Variants in ACBD3 observed in about 807,000 individuals in gnomAD.
The protein encoded by ACBD3 is acyl-CoA binding domain containing 3.
ACBD3 carries 30 observed loss-of-function variants against 66.9 expected under a neutral mutation model. That is an observed-to-expected ratio of 0.45 (90% CI 0.34 to 0.61). ACBD3 has a LOEUF of 0.61. Ranked by LOEUF, ACBD3 falls within the 20% of genes least tolerant of loss-of-function variation. The probability of loss-of-function intolerance (pLI) is 0.02; values close to 1 mark genes in which losing one functional copy is unlikely to be tolerated. For synonymous variants in ACBD3, 278 were observed against 259.8 expected (o/e 1.07, Z -0.68); for missense variants, 544 against 664.5 (o/e 0.82, Z 1.99).
intron 1 of ACBD3, among the ~76,000 whole-genome samples, chr1:226,169,317 G>T (rs1489296312): frequency 1.3e-5 from 2 of 151,504 alleles, no homozygotes; most frequent in Non-Finnish European, 2.9e-5. Flanking sequence ...GTGCGATCTC[G>T]GCTCACTGCA....
chr1:226,186,259 C>T, intron 1 of ACBD3, 131 bp downstream of exon 1: 2 of 1,213,264 alleles, frequency 1.6e-6, no homozygotes, highest in Non-Finnish European at 2.1e-6. Flanking sequence ...AGGAGGGAAC[C>T]CCGCTTGAGT....
intron 1 of ACBD3, among the ~76,000 whole-genome samples, chr1:226,170,130 T>C (rs1659964156): frequency 6.7e-6 from 1 of 148,760 alleles, no homozygotes; most frequent in Non-Finnish European, 1.5e-5. Context: ...GGCCTGAGAC[T>C]GAGAGTGCAT....
chr1:226,173,077 G>A (rs114108975), intron 1 of ACBD3, among the ~76,000 whole-genome samples: 1 of 152,210 alleles, frequency 6.6e-6, no homozygotes, highest in African/African-American at 2.4e-5. Context: ...ACCAGCCTGC[G>A]AAACAAAGTG....
In ACBD3 at chr1:226,145,968, A is replaced by C. The variant is rs900537104; in HGVS notation, c.*642T>G. 6.6e-6 allele frequency: 1 copy of C among 152,656 alleles called. No homozygotes were observed. Among genetic ancestry groups the C allele is most frequent in the Non-Finnish European group, 1.5e-5 (1 of 68,074 alleles). The allele number at this position is 152,656 out of a possible 1,614,324, so 9.5% of individuals were successfully genotyped here. On this transcript the variant is annotated 3_prime_UTR_variant, in exon 8 of 8. Coordinates refer to ENST00000366812, the MANE Select transcript of ACBD3 (RefSeq NM_022735.4). Reference sequence around the variant, plus strand: ...TCTGAGGTGTTCTACGTATCTTGATACTTCAATTATCAATTAGTTTTGAAC... The same window carrying C: ...TCTGAGGTGTTCTACGTATCTTGATCCTTCAATTATCAATTAGTTTTGAAC...
intron 7 of ACBD3, among the ~76,000 whole-genome samples, chr1:226,151,824 G>C (rs778484972): frequency 2.6e-5 from 4 of 152,064 alleles, no homozygotes; most frequent in Non-Finnish European, 4.4e-5. Flanking sequence ...TGACCAACAT[G>C]GTGAAACCTC....
At chr1:226,172,398 C>T (rs1037979168) in intron 1 of ACBD3, among the ~76,000 whole-genome samples, 3 of 152,008 alleles carry the variant, frequency 2.0e-5, no homozygotes, top group East Asian at 3.9e-4. Context: ...CTTTTATGCA[C>T]GTACTAGTTT....
In ACBD3 at chr1:226,152,367, C is replaced by G; in HGVS notation, c.1343G>C (p.Ser448Thr). Reference sequence around the variant, plus strand: ...CTCCTCGTCGTCATCGCTGGACTCACTGACATGCACGCTGACAGCAGTGTT... The same window carrying G: ...CTCCTCGTCGTCATCGCTGGACTCAGTGACATGCACGCTGACAGCAGTGTT... The part of the protein sequence containing the change: ...SPNTAVSVHV[S>T]ESSDDDEEEE... The change falls in exon 7 of 8, where the codon AGT (serine) becomes ACT (threonine). Residue 448 changes from serine to threonine, a missense_variant. Coordinates refer to ENST00000366812, the MANE Select transcript of ACBD3 (RefSeq NM_022735.4). The G allele has an allele frequency of 6.2e-7, 1 of 1,614,248 alleles. No homozygotes were observed. Among genetic ancestry groups the G allele is most frequent in the Non-Finnish European group, 8.5e-7 (1 of 1,180,042 alleles).
At chr1:226,159,708 C>T (rs1218445125) in intron 4 of ACBD3, among the ~76,000 whole-genome samples, 1 of 152,166 alleles carries the variant, frequency 6.6e-6, no homozygotes, top group Non-Finnish European at 1.5e-5. Context: ...CTCACAACAA[C>T]CCTCTGACAG....
chr1:226,150,701 TTC>T (rs1659555337), intron 7 of ACBD3, among the ~76,000 whole-genome samples: 1 of 152,138 alleles, frequency 6.6e-6, no homozygotes, highest in Admixed American at 6.5e-5. Flanking sequence ...CTTACATTTT[TTC>T]TTTCTGTCTC....
At position 226,164,772 on chromosome 1, in the gene ACBD3, A is replaced by C; in HGVS notation, c.569+17T>G. 2 of 1,605,816 alleles carry C rather than the reference A, an allele frequency of 1.2e-6. No individual in the cohort carries two copies. The highest frequency in any genetic ancestry group is 2.3e-5 in the South Asian group (2 of 88,712). ...GGGCTGCGCAGCAATAAAGTATTCCATGCCCTCAAACTTCACCTTTTTTTT... is the reference window on the plus strand; with the variant it reads ...GGGCTGCGCAGCAATAAAGTATTCCCTGCCCTCAAACTTCACCTTTTTTTT... On this transcript the variant is annotated intron_variant, in intron 3 of 7. Coordinates refer to ENST00000366812, the MANE Select transcript of ACBD3 (RefSeq NM_022735.4).
chr1:226,161,730 C>T, intron 3 of ACBD3, 41 bp from the exon 4 acceptor site: 1 of 1,510,188 alleles, frequency 6.6e-7, no homozygotes, highest in Non-Finnish European at 8.8e-7. Context: ...TACGTTGAAT[C>T]CTGTTTAAAA....
chr1:226,154,276 T>C (rs1446143217), intron 6 of ACBD3, among the ~76,000 whole-genome samples: 2 of 152,076 alleles, frequency 1.3e-5, no homozygotes, highest in South Asian at 2.1e-4. Flanking sequence ...GGCGGAATCA[T>C]AGTTCACTGC....
At chr1:226,169,163 C>A (rs1041695445) in intron 1 of ACBD3, among the ~76,000 whole-genome samples, 1 of 152,036 alleles carries the variant, frequency 6.6e-6, no homozygotes, top group African/African-American at 2.4e-5. Context: ...GTGCCCACCC[C>A]CTTCTCGCTT....
Position 226,154,738 on chromosome 1 carries a change from T to C in ACBD3, c.999A>G (p.Ser333=). Residue 333 remains serine (S), a synonymous_variant, in exon 6 of 8, where the codon TCA becomes TCG. Coordinates refer to ENST00000366812, the MANE Select transcript of ACBD3 (RefSeq NM_022735.4). ...TGTGTGTTTTGGCCTGTCCATTAAC[T>C]GACATCATATTACTTGGTACAGTTG... ...VNATVPSNMM[S]VNGQAKTHTD... 6.2e-7 allele frequency: 1 copy of C among 1,613,996 alleles called. No individual in the cohort carries two copies. Among genetic ancestry groups the C allele is most frequent in the Non-Finnish European group, 8.5e-7 (1 of 1,179,930 alleles).
intron 1 of ACBD3, among the ~76,000 whole-genome samples, chr1:226,182,901 C>T (rs1032864470): frequency 6.6e-6 from 1 of 152,150 alleles, no homozygotes; most frequent in Admixed American, 6.6e-5. Flanking sequence ...TAAAACTATC[C>T]ATACTGAAAA....
At chr1:226,148,365 A>G (rs1659498123) in intron 7 of ACBD3, among the ~76,000 whole-genome samples, 1 of 152,172 alleles carries the variant, frequency 6.6e-6, no homozygotes, top group African/African-American at 2.4e-5. Flanking sequence ...TCTAAAATTA[A>G]AAGTTTATTT....
chr1:226,152,646 A>G (rs778602610), intron 6 of ACBD3, 27 bp from the exon 7 acceptor site: 2 of 1,596,150 alleles, frequency 1.3e-6, no homozygotes, highest in Non-Finnish European at 8.5e-7. Context: ...TTAAAAAGCT[A>G]AAGAAAAAGA....
At chr1:226,159,882 C>T (rs1322098594) in intron 4 of ACBD3, among the ~76,000 whole-genome samples, 1 of 152,156 alleles carries the variant, frequency 6.6e-6, no homozygotes, top group Non-Finnish European at 1.5e-5. Flanking sequence ...GCTATGGCTT[C>T]TGTACCTAAA....
At chr1:226,166,634 T>C (rs956339358) in intron 1 of ACBD3, among the ~76,000 whole-genome samples, 7 of 151,598 alleles carry the variant, frequency 4.6e-5, no homozygotes, top group Admixed American at 3.9e-4. Context: ...TACAGGAGTA[T>C]GCGCCATCAT....
Sources: allele counts gnomAD v4.1 joint callset (sites outside exome capture counted in the v4.1 genomes callset), GRCh38; gene constraint gnomAD v4.1.1; transcripts MANE v1.5; gene names NCBI Gene and HGNC (gene_info 2026-07-23, HGNC 2026-07-21).